Variants in STOX2 observed in about 807,000 individuals in gnomAD.
STOX2 encodes the protein storkhead box 2.
In STOX2, 28 loss-of-function variants were observed where a neutral mutation model predicts 60.9. The observed-to-expected ratio is 0.46, with a 90% CI of 0.34 to 0.63. The LOEUF is 0.63. Ranked by LOEUF, STOX2 falls within the 30% of genes least tolerant of loss-of-function variation. The pLI, the probability that STOX2 is intolerant of heterozygous loss-of-function variation, is 0.01. For synonymous variants in STOX2, 472 were observed against 463.9 expected, an observed-to-expected ratio of 1.02 and a Z score of -0.22; for missense variants, 1,024 against 1,187.7, an observed-to-expected ratio of 0.86 and a Z score of 2.03.
At chr4:183,906,977 C>T in intron 1 of STOX2, 21 bp downstream of exon 1, 2 of 1,511,014 alleles carry the variant, frequency 1.3e-6, no homozygotes, top group South Asian at 2.5e-5. Context: ...GACCGCGTTT[C>T]TGCCCCCGGG....
chr4:183,924,342 G>C (rs930553261), intron 1 of STOX2, among the ~76,000 whole-genome samples: 1 of 152,120 alleles, frequency 6.6e-6, no homozygotes, highest in East Asian at 1.9e-4. Flanking sequence ...GCTGAGTAAG[G>C]GGGGCTGGAC....
At chr4:183,951,855 A>C (rs1385167596) in intron 1 of STOX2, among the ~76,000 whole-genome samples, 1 of 152,024 alleles carries the variant, frequency 6.6e-6, no homozygotes, top group Non-Finnish European at 1.5e-5. Flanking sequence ...AGGCAGGAGA[A>C]TCTCTTGAAC....
chr4:183,904,964 A>G (rs1161056696), upstream of STOX2, among the ~76,000 whole-genome samples: 1 of 152,260 alleles, frequency 6.6e-6, no homozygotes, highest in Non-Finnish European at 1.5e-5. Flanking sequence ...ATGAAACAAC[A>G]GCATAAATAT....
intron 2 of STOX2, among the ~76,000 whole-genome samples, chr4:184,002,362 C>G (rs1439515706): frequency 6.6e-6 from 1 of 152,208 alleles, no homozygotes; most frequent in African/African-American, 2.4e-5. Context: ...TGCTATATTT[C>G]TCATTCAACT....
At chr4:183,802,421 C>T (rs530738267) in intron 1 of STOX2, among the ~76,000 whole-genome samples, 1 of 152,316 alleles carries the variant, frequency 6.6e-6, no homozygotes, top group South Asian at 2.1e-4. Context: ...GTTGCCCAGG[C>T]TGGAGTGCAG....
chr4:183,922,308 G>A, intron 1 of STOX2, among the ~76,000 whole-genome samples: 1 of 149,060 alleles, frequency 6.7e-6, no homozygotes, highest in Admixed American at 6.7e-5. Context: ...TTTTCAAATT[G>A]TGGTAAAAAA....
chr4:183,826,558 C>T lies in STOX2; in HGVS notation c.364+28503C>T, dbSNP rs114231426. On this transcript the variant is annotated intron_variant, in intron 1 of 2. Transcript: ENST00000513034. ...TACACCACTTCACTCCTTTCAAATACGAGCCATTAGCTTGTCGAAAGAGCA... is the reference window on the plus strand; with the variant it reads ...TACACCACTTCACTCCTTTCAAATATGAGCCATTAGCTTGTCGAAAGAGCA... 3.5e-3 allele frequency among the ~76,000 whole-genome samples: 534 copies of T among 152,314 alleles called. 3 individuals are homozygous for T. Among genetic ancestry groups the T allele is most frequent in the African/African-American group, 0.012 (513 of 41,574 alleles).
intron 1 of STOX2, among the ~76,000 whole-genome samples, chr4:183,928,204 G>A (rs2035753485): frequency 1.0e-5 from 1 of 97,828 alleles, no homozygotes; most frequent in African/African-American, 3.7e-5. Context: ...ACGTGGGTGA[G>A]GATGGGGAGC....
intron 1 of STOX2, among the ~76,000 whole-genome samples, chr4:183,965,603 G>T (rs1026368543): frequency 3.4e-4 from 51 of 152,160 alleles, no homozygotes; most frequent in African/African-American, 1.2e-3. Context: ...TCAAAAATAG[G>T]GATGCAATTG....
intron 1 of STOX2, among the ~76,000 whole-genome samples, chr4:183,973,904 G>T (rs757925691): frequency 6.6e-6 from 1 of 152,230 alleles, no homozygotes; most frequent in Non-Finnish European, 1.5e-5. Context: ...TGAGGCAGGA[G>T]AATTGCTTTA....
At chr4:183,811,664 T>A (rs750781487) in intron 1 of STOX2, among the ~76,000 whole-genome samples, 4 of 152,256 alleles carry the variant, frequency 2.6e-5, no homozygotes, top group Admixed American at 6.5e-5. Context: ...CAGATTCACA[T>A]GGAAATTGTT....
intron 1 of STOX2, among the ~76,000 whole-genome samples, chr4:183,929,067 A>T (rs1363706133): frequency 6.6e-6 from 1 of 152,248 alleles, no homozygotes; most frequent in Admixed American, 6.5e-5. Flanking sequence ...TGCCGTCTTA[A>T]TTTTAATACA....
chr4:183,824,012 G>A (rs558253094), intron 1 of STOX2, among the ~76,000 whole-genome samples: 12 of 152,042 alleles, frequency 7.9e-5, no homozygotes, highest in African/African-American at 2.9e-4. Context: ...TCGTAAAATC[G>A]GCTACTGAAC....
intron 1 of STOX2, among the ~76,000 whole-genome samples, chr4:183,823,406 CAAAA>C (rs1320847204): frequency 6.6e-6 from 1 of 152,118 alleles, no homozygotes. Context: ...AAAAACAAAA[CAAAA>C]AACAAACAAA....
chr4:183,827,398 G>A (rs1197943458), intron 1 of STOX2, among the ~76,000 whole-genome samples: 2 of 152,030 alleles, frequency 1.3e-5, no homozygotes, highest in African/African-American at 2.4e-5. Context: ...AGGTTGAGGC[G>A]TGAGGATTGC....
At position 183,938,106 on chromosome 4, in the gene STOX2, G is replaced by A. The variant is rs538960212; in HGVS notation, c.166+31150G>A. Reference sequence around the variant, plus strand: ...CGAGGCTGCAGTGAGCTGTGATTGCGCCACTGCACTCCATCCTGAGCGACA... The same window carrying A: ...CGAGGCTGCAGTGAGCTGTGATTGCACCACTGCACTCCATCCTGAGCGACA... On this transcript the variant is annotated intron_variant, in intron 1 of 3. Transcript: ENST00000308497. 1.8e-3 allele frequency among the ~76,000 whole-genome samples: 273 copies of A among 152,226 alleles called. 2 individuals are homozygous for A. Among genetic ancestry groups the A allele is most frequent in the African/African-American group, 6.4e-3 (264 of 41,530 alleles).
rs115930230 is a variant in STOX2, at chr4:183,947,364, G to A, written c.166+40408G>A. ...CGCAGAGGGCTGAGTGTAATATTTC[G>A]TTGTTGGCCTTGGCATTCTCTGCTT... On this transcript the variant is annotated intron_variant, in intron 1 of 3. Transcript: ENST00000308497. Among the ~76,000 whole-genome samples, 1,456 of 152,142 alleles carry A rather than the reference G, an allele frequency of 9.6e-3. 21 individuals are homozygous for A. The highest frequency in any genetic ancestry group is 0.033 in the African/African-American group (1,377 of 41,510).
chr4:183,870,795 G>A lies in STOX2; in HGVS notation c.364+72740G>A, dbSNP rs192087535. ...AATTTCAGTAATTACTATATTGAAC[G>A]TGGAAATGCTGTATAAGAACCCCAT... is the stretch of plus-strand genomic sequence containing the variant. On this transcript the variant is annotated intron_variant, in intron 1 of 2. Transcript: ENST00000513034. Among the ~76,000 whole-genome samples the A allele has an allele frequency of 1.7e-3, 256 of 152,238 alleles. 1 individual carries two copies. Among genetic ancestry groups the A allele is most frequent in the Admixed American group, 0.012 (177 of 15,302 alleles).
intron 1 of STOX2, among the ~76,000 whole-genome samples, chr4:183,922,023 A>G (rs1742114012): frequency 6.6e-6 from 1 of 152,208 alleles, no homozygotes; most frequent in Admixed American, 6.5e-5. Context: ...AGAATTTCTT[A>G]ATTATTTGCA....
Sources: gnomAD v4.1 joint callset for allele counts (sites outside exome capture counted in the v4.1 genomes callset) on GRCh38, gnomAD v4.1.1 for gene constraint, MANE v1.5 for transcripts, NCBI Gene and HGNC (gene_info 2026-07-23, HGNC 2026-07-21) for gene names.